CHRNA3: variants seen among roughly 807,000 people sequenced by gnomAD.
The protein encoded by CHRNA3 is cholinergic receptor nicotinic alpha 3 subunit.
CHRNA3 carries 34 observed loss-of-function variants against 41.9 expected under a neutral mutation model. That is an observed-to-expected ratio of 0.81 (90% CI 0.62 to 1.08). CHRNA3 has a LOEUF of 1.08. Ranked by LOEUF, CHRNA3 falls within the 50% of genes least tolerant of loss-of-function variation. The pLI, the probability that CHRNA3 is intolerant of heterozygous loss-of-function variation, is 0.00. For missense variants in CHRNA3, 542 were observed against 638.3 expected, an observed-to-expected ratio of 0.85 and a Z score of 1.63; for synonymous variants, 281 against 265.2, an observed-to-expected ratio of 1.06 and a Z score of -0.58.
intron 4 of CHRNA3, among the ~76,000 whole-genome samples, chr15:78,612,248 C>T (rs866396164): frequency 0.017 from 2,602 of 150,692 alleles, 76 homozygotes; most frequent in African/African-American, 0.058. Context: ...AAACAGAGCC[C>T]GCATCGCCAA....
intron 3 of CHRNA3, among the ~76,000 whole-genome samples, chr15:78,617,929 A>C (rs1327790011): frequency 2.0e-5 from 3 of 152,178 alleles, no homozygotes; most frequent in Non-Finnish European, 4.4e-5. Flanking sequence ...TACCAACAAC[A>C]GCAGCATCTT....
At chr15:78,608,287 G>A (rs555196216) in intron 4 of CHRNA3, among the ~76,000 whole-genome samples, 6 of 152,332 alleles carry the variant, frequency 3.9e-5, no homozygotes, top group Middle Eastern at 3.4e-3. Context: ...CCTGACCCCC[G>A]AGCAGCCTAA....
At chr15:78,598,219 A>G (rs1437360887) in intron 5 of CHRNA3, among the ~76,000 whole-genome samples, 1 of 152,316 alleles carries the variant, frequency 6.6e-6, no homozygotes, top group South Asian at 2.1e-4. Context: ...GGATAAGAAC[A>G]GTACTTCCCT....
intron 1 of CHRNA3, chr15:78,619,923 G>T (rs2141348276): frequency 6.6e-6 from 1 of 152,424 alleles, no homozygotes; most frequent in Middle Eastern, 3.4e-3. Context: ...AGCGTATGGC[G>T]TTCTGAGTAG....
chr15:78,620,788 A>G lies in CHRNA3; in HGVS notation c.7T>C (p.Ser3Pro). Residue 3 changes from serine to proline, a missense_variant, in exon 1 of 6, where the codon TCT becomes CCT. Physicochemically the swap from Ser to Pro is moderately conservative, Grantham distance 74. Transcript: ENST00000326828. ...GCCAGGGGCAGCGAGAGCGGGCCAGAGCCCATGGCTGGTGGCCGGGCTGGC... is the reference window on the plus strand; with the variant it reads ...GCCAGGGGCAGCGAGAGCGGGCCAGGGCCCATGGCTGGTGGCCGGGCTGGC... MG[S>P]GPLSLPLALS... 6.9e-7 allele frequency: 1 copy of G among 1,448,192 alleles called. No individual in the cohort carries two copies. The highest frequency in any genetic ancestry group is 1.4e-5 in the South Asian group (1 of 74,038). 89.7% of individuals were successfully genotyped at this position (1,448,192 alleles called of 1,614,324 possible).
At chr15:78,593,856 C>T (rs8192482), downstream of CHRNA3, 36,539 of 151,890 alleles carry the variant, frequency 0.24, 5,785 homozygotes, top group Middle Eastern at 0.4. Context: ...GCCTGACCAA[C>T]GTGGAGAAAC....
At chr15:78,618,250 A>G in intron 3 of CHRNA3, 1 of 240,912 alleles carries the variant, frequency 4.2e-6, no homozygotes, top group Non-Finnish European at 7.8e-6. Context: ...CCGTCTGGAA[A>G]AAAAACTGAG....
intron 4 of CHRNA3, among the ~76,000 whole-genome samples, chr15:78,604,849 C>A (rs1262986503): frequency 6.6e-6 from 1 of 152,072 alleles, no homozygotes; most frequent in Non-Finnish European, 1.5e-5. Context: ...CCCATCTCTA[C>A]TAAAAATACA....
intron 3 of CHRNA3, chr15:78,618,312 G>A (rs1219208089): frequency 2.8e-6 from 1 of 358,282 alleles, no homozygotes; most frequent in African/African-American, 2.1e-5. Flanking sequence ...CCCAGGGTTT[G>A]GGGGCAGGGC....
In CHRNA3 at chr15:78,596,182, A is replaced by AT; in HGVS notation, c.*421dup. ...ATGGGTAACGATGGGGGATTGCTGA[A>AT]TTAGTATAAACCTTCAAAGAGATTA... On this transcript the variant is annotated 3_prime_UTR_variant, in exon 6 of 6. Transcript: ENST00000326828. The AT allele has an allele frequency of 1.0e-6, 1 of 985,958 alleles. No homozygotes were observed. Among genetic ancestry groups the AT allele is most frequent in the Non-Finnish European group, 1.2e-6 (1 of 830,306 alleles). 61.1% of individuals were successfully genotyped at this position (985,958 alleles called of 1,614,324 possible).
intron 4 of CHRNA3, among the ~76,000 whole-genome samples, chr15:78,613,777 C>A (rs28486097): frequency 0.53 from 64,480 of 121,860 alleles, 15,060 homozygotes; most frequent in East Asian, 0.7. Context: ...AAAAAAAAAC[C>A]AAAAAAAACC....
Position 78,620,574 on chromosome 15 carries a change from C to A in CHRNA3, c.82+139G>T, listed in dbSNP as rs915736283. 32 of 1,336,496 alleles carry A rather than the reference C, an allele frequency of 2.4e-5. No homozygotes were observed. In the African/African-American group the frequency reaches 3.7e-4, roughly 16 times the overall value. 82.8% of individuals were successfully genotyped at this position (1,336,496 alleles called of 1,614,324 possible). On this transcript the variant is annotated intron_variant, in intron 1 of 5. Transcript: ENST00000326828. ...AAGTCGCCGCCGGGCTGGAGCCAGT[C>A]TGCGCGGGTTCCGAGTCCCCGGCGA... is the stretch of plus-strand genomic sequence containing the variant.
intron 5 of CHRNA3, chr15:78,600,118 G>T (rs1178537696): frequency 6.6e-6 from 1 of 152,020 alleles, no homozygotes; most frequent in Non-Finnish European, 1.5e-5. Context: ...ACTTCACTCT[G>T]TTACCCAGGC....
At chr15:78,612,232 G>T (rs2053390264) in intron 4 of CHRNA3, among the ~76,000 whole-genome samples, 1 of 151,248 alleles carries the variant, frequency 6.6e-6, no homozygotes, top group Non-Finnish European at 1.5e-5. Context: ...AGTTCATATG[G>T]AACCAAAACA....
intron 2 of CHRNA3, 44 bp downstream of exon 2, chr15:78,618,732 A>G (rs199829937): frequency 5.5e-5 from 89 of 1,614,058 alleles, no homozygotes; most frequent in Non-Finnish European, 7.3e-5. Context: ...CTCCTCCAGA[A>G]GCCCCGGTCC....
chr15:78,605,451 T>A (rs1462978015), intron 4 of CHRNA3, among the ~76,000 whole-genome samples: 3 of 152,068 alleles, frequency 2.0e-5, no homozygotes, highest in Non-Finnish European at 2.9e-5. Flanking sequence ...GGTTCTCATG[T>A]CCTAAGATCC....
At position 78,601,630 on chromosome 15, in the gene CHRNA3, T is replaced by C. The variant is rs527271716; in HGVS notation, c.1012A>G (p.Met338Val). Residue 338 changes from methionine (M) to valine (V), a missense_variant, in exon 5 of 6, where the codon ATG becomes GTG. Coordinates refer to ENST00000326828, the MANE Select transcript of CHRNA3 (RefSeq NM_000743.5). ...VHYRTPTTHT[M>V]PSWVKTVFLN... Reference sequence around the variant, plus strand: ...AATACAGTCTTCACCCATGAGGGCATTGTGTGTGTCGTCGGGGTTCTGTAG... The same window carrying C: ...AATACAGTCTTCACCCATGAGGGCACTGTGTGTGTCGTCGGGGTTCTGTAG... The C allele has an allele frequency of 6.8e-6, 11 of 1,614,050 alleles. No homozygotes were observed. The highest frequency in any genetic ancestry group is 2.7e-5 in the African/African-American group (2 of 74,978).
In CHRNA3 at chr15:78,618,758, G is replaced by A. The variant is rs754875531; in HGVS notation, c.222+18C>T. On this transcript the variant is annotated intron_variant, in intron 2 of 5. Coordinates refer to ENST00000326828, the MANE Select transcript of CHRNA3 (RefSeq NM_000743.5). Reference sequence around the variant, plus strand: ...GCCCCGGTCCCCATGGCCACGGCTCGTGGCTTCCAGCACTCACCACCTTCA... The same window carrying A: ...GCCCCGGTCCCCATGGCCACGGCTCATGGCTTCCAGCACTCACCACCTTCA... 6 of 1,612,792 alleles carry A rather than the reference G, an allele frequency of 3.7e-6. No individual in the cohort carries two copies. In the African/African-American group the frequency reaches 5.3e-5, roughly 14 times the overall value.
At chr15:78,608,508 G>A (rs529535576) in intron 4 of CHRNA3, among the ~76,000 whole-genome samples, 2 of 152,330 alleles carry the variant, frequency 1.3e-5, no homozygotes, top group Admixed American at 1.3e-4. Flanking sequence ...CAACAGACCT[G>A]CAGCTGAGGG....
Sources: allele counts gnomAD v4.1 joint callset (sites outside exome capture counted in the v4.1 genomes callset), GRCh38; gene constraint gnomAD v4.1.1; transcripts MANE v1.5; gene names NCBI Gene and HGNC (gene_info 2026-07-23, HGNC 2026-07-21).